ZRANB3: variants seen among roughly 807,000 people sequenced by gnomAD.
ZRANB3 encodes zinc finger RANBP2-type containing 3, also known as DNA annealing helicase and endonuclease ZRANB3.
In ZRANB3, 125 loss-of-function variants were observed where a neutral mutation model predicts 133.8. The ratio of observed to expected loss-of-function variants is 0.93; its 90% CI spans 0.81 to 1.08. The LOEUF is 1.08. Ranked by LOEUF, ZRANB3 falls within the 50% of genes least tolerant of loss-of-function variation. ZRANB3 has a pLI of 0.00. For synonymous variants in ZRANB3, 387 were observed against 432.7 expected (o/e 0.89, Z 1.31); for missense variants, 1,229 against 1,275.5 (o/e 0.96, Z 0.56).
Position 135,353,534 on chromosome 2 carries a change from T to C in ZRANB3, c.275A>G (p.Tyr92Cys). The C allele has an allele frequency of 6.2e-7, 1 of 1,611,288 alleles. No individual in the cohort carries two copies. Among genetic ancestry groups the C allele is most frequent in the Non-Finnish European group, 8.5e-7 (1 of 1,178,226 alleles). Reference protein sequence around the residue: ...LLIVVPSSLRYPWTEEIEKWI... With the variant: ...LLIVVPSSLRCPWTEEIEKWI... The stretch of plus-strand genomic sequence containing the variant: ...TTTTTCAATTTCTTCTGTCCAAGGG[T>C]ACCTCAGAGACGAAGGGACCACTAT... Residue 92 changes from tyrosine to cysteine, a missense_variant, in exon 4 of 21, where the codon TAC (tyrosine) becomes TGC (cysteine). Coordinates refer to ENST00000264159, the MANE Select transcript of ZRANB3 (RefSeq NM_032143.4).
chr2:135,274,974 G>A (rs1057144723), intron 9 of ZRANB3, among the ~76,000 whole-genome samples: 2 of 152,258 alleles, frequency 1.3e-5, no homozygotes, highest in African/African-American at 4.8e-5. Flanking sequence ...TTCCAAGGCA[G>A]AAGAATTTTT....
intron 6 of ZRANB3, among the ~76,000 whole-genome samples, chr2:135,316,829 G>A (rs940446039): frequency 6.6e-6 from 1 of 151,902 alleles, no homozygotes; most frequent in African/African-American, 2.4e-5. Flanking sequence ...AGCCAGGCAT[G>A]GTGGTGTGTG....
chr2:135,487,560 A>C (rs1409578640), intron 2 of ZRANB3, among the ~76,000 whole-genome samples: 1 of 152,190 alleles, frequency 6.6e-6, no homozygotes, highest in Non-Finnish European at 1.5e-5. Flanking sequence ...TCTTAGCTAG[A>C]TCTTCTGAGT....
intron 8 of ZRANB3, among the ~76,000 whole-genome samples, chr2:135,313,113 C>T (rs778052545): frequency 1.1e-4 from 17 of 150,558 alleles, no homozygotes; most frequent in Non-Finnish European, 2.2e-4. Flanking sequence ...TCAAAATATA[C>T]CTGTATATTG....
At chr2:135,214,698 T>C (rs532134875) in intron 17 of ZRANB3, among the ~76,000 whole-genome samples, 1 of 152,316 alleles carries the variant, frequency 6.6e-6, no homozygotes, top group South Asian at 2.1e-4. Context: ...GTGTGTGCAC[T>C]TATGTGTAAG....
intron 12 of ZRANB3, among the ~76,000 whole-genome samples, chr2:135,253,040 G>C (rs910780673): frequency 6.6e-6 from 1 of 152,166 alleles, no homozygotes; most frequent in African/African-American, 2.4e-5. Context: ...CCTTGACAAA[G>C]GGGCTTTATA....
At chr2:135,466,040 A>G (rs1458981199) in intron 2 of ZRANB3, among the ~76,000 whole-genome samples, 1 of 152,224 alleles carries the variant, frequency 6.6e-6, no homozygotes, top group African/African-American at 2.4e-5. Context: ...TATCAACTAA[A>G]TGCTAAGGAC....
At chr2:135,403,064 A>C (rs138865817) in intron 2 of ZRANB3, among the ~76,000 whole-genome samples, 4,840 of 152,136 alleles carry the variant, frequency 0.032, 251 homozygotes, top group African/African-American at 0.11. Flanking sequence ...TTTCCAACTG[A>C]GGTACAAGGC....
At chr2:135,406,382 C>T (rs1402829294) in intron 2 of ZRANB3, among the ~76,000 whole-genome samples, 2 of 152,196 alleles carry the variant, frequency 1.3e-5, no homozygotes, top group Admixed American at 1.3e-4. Context: ...CAGCCGAATT[C>T]TACCAGAGGT....
At chr2:135,356,726 T>G (rs1210928570) in intron 3 of ZRANB3, among the ~76,000 whole-genome samples, 1 of 152,212 alleles carries the variant, frequency 6.6e-6, no homozygotes, top group East Asian at 1.9e-4. Context: ...TTTTGTGTGT[T>G]TGTTTTTTAG....
At chr2:135,464,311 C>T (rs1298402867) in intron 2 of ZRANB3, among the ~76,000 whole-genome samples, 1 of 152,096 alleles carries the variant, frequency 6.6e-6, no homozygotes, top group Non-Finnish European at 1.5e-5. Flanking sequence ...CCCCAGAGCC[C>T]TCAATGTTTT....
At chr2:135,228,813 GTTACTTA>G (rs1214562934) in intron 13 of ZRANB3, among the ~76,000 whole-genome samples, 1 of 152,074 alleles carries the variant, frequency 6.6e-6, no homozygotes, top group Non-Finnish European at 1.5e-5. Flanking sequence ...TAATATCACT[GTTACTTA>G]GACTATGTAT....
intron 2 of ZRANB3, among the ~76,000 whole-genome samples, chr2:135,400,293 G>T (rs1465266744): frequency 6.6e-6 from 1 of 151,788 alleles, no homozygotes; most frequent in African/African-American, 2.4e-5. Context: ...CACCCTATTG[G>T]CATGGACTCT....
rs764513843 is a variant in ZRANB3 at position 135,230,943 on chromosome 2, A to G, written c.1540-16T>C. ...CTTTTTCGAACTAGGAAAAGCAAAC[A>G]GTAGTTATCAAAGTAAGAAGCAATC... is the stretch of plus-strand genomic sequence containing the variant. On this transcript the variant is annotated splice_polypyrimidine_tract_variant and intron_variant, in intron 12 of 20. Coordinates refer to ENST00000264159, the MANE Select transcript of ZRANB3 (RefSeq NM_032143.4). 4 of 1,523,960 alleles carry G rather than the reference A, an allele frequency of 2.6e-6. No homozygotes were observed. Among genetic ancestry groups the G allele is most frequent in the East Asian group, 4.5e-5 (2 of 43,994 alleles). The allele number at this position is 1,523,960 out of a possible 1,614,324, so 94.4% of individuals were successfully genotyped here. A position where few individuals can be genotyped will look rare whatever the true frequency, so the allele number is the denominator to read the frequency against.
chr2:135,281,538 T>C (rs1243085628), intron 8 of ZRANB3, among the ~76,000 whole-genome samples: 1 of 152,172 alleles, frequency 6.6e-6, no homozygotes, highest in East Asian at 1.9e-4. Context: ...TTCCTTGCTT[T>C]GGACATTATA....
At chr2:135,247,958 T>C (rs1021260133) in intron 12 of ZRANB3, among the ~76,000 whole-genome samples, 1 of 152,152 alleles carries the variant, frequency 6.6e-6, no homozygotes. Context: ...TCCTCCTCAC[T>C]GGACAGAACC....
intron 20 of ZRANB3, among the ~76,000 whole-genome samples, chr2:135,202,018 T>A (rs956805066): frequency 2.6e-5 from 4 of 152,138 alleles, no homozygotes; most frequent in African/African-American, 9.7e-5. Context: ...AACAGGTTTG[T>A]TTACAAAAAA....
chr2:135,403,187 G>A (rs1417334111), intron 2 of ZRANB3, among the ~76,000 whole-genome samples: 4 of 152,144 alleles, frequency 2.6e-5, no homozygotes, highest in Non-Finnish European at 5.9e-5. Flanking sequence ...AAGGAGTCAG[G>A]GAATTCCCTT....
chr2:135,229,158 A>G (rs1694880315), intron 13 of ZRANB3, among the ~76,000 whole-genome samples: 1 of 152,200 alleles, frequency 6.6e-6, no homozygotes, highest in African/African-American at 2.4e-5. Flanking sequence ...TTTAGTTCAC[A>G]GACAACAGGT....
Sources: allele counts gnomAD v4.1 joint callset (sites outside exome capture counted in the v4.1 genomes callset), GRCh38; gene constraint gnomAD v4.1.1; transcripts MANE v1.5; gene names NCBI Gene and HGNC (gene_info 2026-07-23, HGNC 2026-07-21).